Variants in SMIM14 observed in about 807,000 individuals in gnomAD.
SMIM14 encodes small integral membrane protein 14.
Under a neutral mutation model 12.6 loss-of-function variants are expected in SMIM14, and 5 were observed. That is an observed-to-expected ratio of 0.40 (90% confidence interval 0.21 to 0.83). The LOEUF is 0.83. SMIM14 is among the 40% of genes least tolerant of loss of function. The pLI is 0.37. For missense variants in SMIM14, 86 were observed against 119.1 expected (o/e 0.72, Z 1.29); for synonymous variants, 30 against 40.1 (o/e 0.75, Z 0.95).
intron 1 of SMIM14, among the ~76,000 whole-genome samples, chr4:39,619,764 A>ATATATATC (rs1560307200): frequency 1.5e-5 from 2 of 137,904 alleles, no homozygotes; most frequent in Non-Finnish European, 3.1e-5. Context: ...TTATATATAT[A>ATATATATC]TCAATAAATA....
intron 2 of SMIM14, among the ~76,000 whole-genome samples, chr4:39,581,784 A>C (rs963218323): frequency 1.3e-5 from 2 of 151,808 alleles, no homozygotes; most frequent in Non-Finnish European, 2.9e-5. Flanking sequence ...GTTGGTCTTG[A>C]ACTCCTGAGC....
Position 39,552,172 on chromosome 4 carries a change from G to T in SMIM14, c.268-14C>A, listed in dbSNP as rs1711752042. On this transcript the variant is annotated splice_polypyrimidine_tract_variant and intron_variant, in intron 4 of 4. Transcript: ENST00000295958. ...TGGATCTTGTCCCTGGCATTAGAAAGAAATAAATTATTTAATTGACTTTTT... is the reference window on the plus strand; with the variant it reads ...TGGATCTTGTCCCTGGCATTAGAAATAAATAAATTATTTAATTGACTTTTT... The T allele has an allele frequency of 1.3e-6, 2 of 1,568,116 alleles. No individual in the cohort carries two copies. Among genetic ancestry groups the T allele is most frequent in the Non-Finnish European group, 1.7e-6 (2 of 1,160,846 alleles).
At chr4:39,636,741 G>A (rs1230469419) in intron 1 of SMIM14, among the ~76,000 whole-genome samples, 2 of 151,984 alleles carry the variant, frequency 1.3e-5, no homozygotes, top group East Asian at 1.9e-4. Flanking sequence ...AGCCCATATA[G>A]TACAGAACCC....
intron 3 of SMIM14, among the ~76,000 whole-genome samples, chr4:39,562,708 TG>T (rs1712370481): frequency 6.6e-6 from 1 of 152,060 alleles, no homozygotes; most frequent in African/African-American, 2.4e-5. Context: ...GGTCTCACTA[TG>T]TTGCCCAGGC....
intron 2 of SMIM14, among the ~76,000 whole-genome samples, chr4:39,581,442 A>G (rs1015445685): frequency 6.6e-6 from 1 of 151,976 alleles, no homozygotes; most frequent in Admixed American, 6.6e-5. Flanking sequence ...ATTAAAAGAC[A>G]CACACACAGA....
chr4:39,567,374 C>A lies in SMIM14; in HGVS notation c.124+5041G>T, dbSNP rs192632719. Among the ~76,000 whole-genome samples, 790 of 152,040 alleles carry A rather than the reference C, an allele frequency of 5.2e-3. 11 individuals are homozygous for A. Among genetic ancestry groups the A allele is most frequent in the African/African-American group, 0.018 (733 of 41,484 alleles). ...ATCCCTGCACTTTGGGAGGCCAAGG[C>A]AGGTGGACTGCTTGAGCTCAGGAGT... On this transcript the variant is annotated intron_variant, in intron 3 of 4. Coordinates refer to ENST00000295958, the MANE Select transcript of SMIM14 (RefSeq NM_174921.3).
rs138235024 is a variant in SMIM14, at chr4:39,610,128, C to T, written c.-35-4948G>A. Among the ~76,000 whole-genome samples, 14 of 152,158 alleles carry T rather than the reference C, an allele frequency of 9.2e-5. No individual in the cohort carries two copies. The East Asian group carries it at 2.5e-3, about 27-fold the overall frequency. On this transcript the variant is annotated intron_variant, in intron 1 of 4. Coordinates refer to ENST00000295958, the MANE Select transcript of SMIM14 (RefSeq NM_174921.3). ...CTCTCAGCCTTCCAAGTAGCTGGGA[C>T]CACAGGTACACACCCCATCTTGCTA...
rs2109969692 is a variant in SMIM14, at chr4:39,548,004, C to G, written c.*4122G>C. 1 of 151,282 alleles carries G rather than the reference C, an allele frequency of 6.6e-6. No homozygotes were observed. The highest frequency in any genetic ancestry group is 2.1e-4 in the South Asian group (1 of 4,808). 9.4% of individuals were successfully genotyped at this position (151,282 alleles called of 1,614,324 possible). ...CACTGCAACCTCCACCTCCCAGGTT[C>G]AAGTGATTCTCCTGCCTCAGCTTCC... On this transcript the variant is annotated 3_prime_UTR_variant, in exon 5 of 5. Transcript: ENST00000295958.
At chr4:39,620,194 A>T (rs1212409880) in intron 1 of SMIM14, among the ~76,000 whole-genome samples, 2 of 148,466 alleles carry the variant, frequency 1.3e-5, no homozygotes. Context: ...AAAAAAAAAA[A>T]TTCGGATGGG....
chr4:39,625,594 C>A (rs1471277252), intron 1 of SMIM14, among the ~76,000 whole-genome samples: 1 of 152,136 alleles, frequency 6.6e-6, no homozygotes, highest in African/African-American at 2.4e-5. Context: ...GCACGCGCCA[C>A]CACATCCAAC....
chr4:39,560,901 C>T (rs537721854), intron 3 of SMIM14, among the ~76,000 whole-genome samples: 2 of 152,238 alleles, frequency 1.3e-5, no homozygotes, highest in African/African-American at 2.4e-5. Flanking sequence ...TATCTGCCCA[C>T]TTTTAGCTCC....
At chr4:39,590,759 G>A (rs953963904) in intron 2 of SMIM14, among the ~76,000 whole-genome samples, 6 of 148,542 alleles carry the variant, frequency 4.0e-5, no homozygotes, top group Admixed American at 6.8e-5. Context: ...CCCAGATTGC[G>A]CCATTGCACT....
At chr4:39,609,121 C>A (rs962443646) in intron 1 of SMIM14, among the ~76,000 whole-genome samples, 1 of 151,844 alleles carries the variant, frequency 6.6e-6, no homozygotes, top group Non-Finnish European at 1.5e-5. Context: ...GGACTACAGG[C>A]GCGTGCCACC....
chr4:39,628,179 T>C (rs999492860), intron 1 of SMIM14, among the ~76,000 whole-genome samples: 3 of 151,066 alleles, frequency 2.0e-5, no homozygotes, highest in African/African-American at 7.3e-5. Context: ...TGGCGGCACA[T>C]GCCTGTACAC....
chr4:39,556,323 T>A, intron 4 of SMIM14, 105 bp downstream of exon 4: 1 of 1,063,164 alleles, frequency 9.4e-7, no homozygotes, highest in Middle Eastern at 2.1e-4. Flanking sequence ...ATGAGTTAAA[T>A]ATAATTTAAC....
chr4:39,586,716 C>T (rs1022326981), intron 2 of SMIM14, among the ~76,000 whole-genome samples: 2 of 152,104 alleles, frequency 1.3e-5, no homozygotes, highest in Admixed American at 1.3e-4. Flanking sequence ...AAGTCACTTA[C>T]CCGTTTTTAG....
chr4:39,636,814 C>G (rs1180843402), intron 1 of SMIM14, among the ~76,000 whole-genome samples: 1 of 152,088 alleles, frequency 6.6e-6, no homozygotes, highest in Non-Finnish European at 1.5e-5. Flanking sequence ...AAATTAGGCA[C>G]AGTAAGAGAC....
intron 2 of SMIM14, among the ~76,000 whole-genome samples, chr4:39,600,507 T>C (rs1285960201): frequency 6.6e-6 from 1 of 151,900 alleles, no homozygotes; most frequent in African/African-American, 2.4e-5. Flanking sequence ...CTGGCCAACA[T>C]GGTGAAACCC....
intron 2 of SMIM14, among the ~76,000 whole-genome samples, chr4:39,585,139 C>T (rs752230350): frequency 2.0e-5 from 3 of 151,870 alleles, no homozygotes; most frequent in Non-Finnish European, 4.4e-5. Context: ...AAAAGGTCCA[C>T]AAACTTAATG....
Sources: gnomAD v4.1 joint callset for allele counts (sites outside exome capture counted in the v4.1 genomes callset) on GRCh38, gnomAD v4.1.1 for gene constraint, MANE v1.5 for transcripts, NCBI Gene and HGNC (gene_info 2026-07-23, HGNC 2026-07-21) for gene names.